Variants in EVC2 observed in about 807,000 individuals in gnomAD.
EVC2 encodes EvC ciliary complex subunit 2, also known as limbin.
Under a neutral mutation model 149.3 loss-of-function variants are expected in EVC2, and 148 were observed. That is an observed-to-expected ratio of 0.99 (90% CI 0.87 to 1.14). The LOEUF is 1.14. Ranked by LOEUF, EVC2 falls within the 50% of genes most tolerant of loss-of-function variation. The pLI is 0.00. For synonymous variants in EVC2, 776 were observed against 649.9 expected (o/e 1.19, Z -2.95); for missense variants, 1,854 against 1,627.3 (o/e 1.14, Z -2.40).
chr4:5,643,705 G>A (rs927565899), intron 9 of EVC2, among the ~76,000 whole-genome samples: 2 of 152,152 alleles, frequency 1.3e-5, no homozygotes, highest in African/African-American at 4.8e-5. Flanking sequence ...TGGATCACTT[G>A]AGGCCAGGAG....
intron 1 of EVC2, among the ~76,000 whole-genome samples, chr4:5,698,275 TG>T (rs1721613918): frequency 6.6e-6 from 1 of 152,148 alleles, no homozygotes; most frequent in Admixed American, 6.5e-5. Context: ...ATCAACTCTG[TG>T]GACCCTGGGT....
chr4:5,661,857 T>C (rs909661841), intron 9 of EVC2, among the ~76,000 whole-genome samples: 1 of 152,206 alleles, frequency 6.6e-6, no homozygotes, highest in Non-Finnish European at 1.5e-5. Context: ...TTAACCTCTC[T>C]CCAGTTCTCA....
chr4:5,694,644 G>T (rs1721349277), intron 2 of EVC2, 143 bp from the exon 3 acceptor site: 2 of 878,002 alleles, frequency 2.3e-6, no homozygotes, highest in Non-Finnish European at 3.7e-6. Context: ...AGGAATGAAT[G>T]ATATCATCTC....
intron 9 of EVC2, among the ~76,000 whole-genome samples, chr4:5,655,001 T>C (rs1315707193): frequency 6.6e-6 from 1 of 152,126 alleles, no homozygotes; most frequent in Admixed American, 6.5e-5. Flanking sequence ...CCAGCCTACA[T>C]CGTGCCTAGC....
At chr4:5,653,068 C>A (rs1718258020) in intron 9 of EVC2, among the ~76,000 whole-genome samples, 1 of 152,194 alleles carries the variant, frequency 6.6e-6, no homozygotes, top group Middle Eastern at 3.2e-3. Context: ...CCTTAGCTTG[C>A]AGCTGCATCA....
the EVC2 span, among the ~76,000 whole-genome samples, chr4:5,534,356 T>C: frequency 6.6e-6 from 1 of 151,810 alleles, no homozygotes. Context: ...GTTCAGCGAG[T>C]GAGTGGATGG....
intron 6 of EVC2, among the ~76,000 whole-genome samples, chr4:5,682,120 T>A (rs1000314780): frequency 5.3e-5 from 8 of 152,170 alleles, no homozygotes; most frequent in African/African-American, 1.9e-4. Flanking sequence ...TGCCTGGCAC[T>A]AGGGAATGCT....
chr4:5,562,528 GTCACCACA>G lies in EVC2; in HGVS notation c.*312_*319del. 8.1e-7 allele frequency: 1 copy of G among 1,230,594 alleles called. No homozygotes were observed. The highest frequency in any genetic ancestry group is 1.0e-6 in the Non-Finnish European group (1 of 980,226). 76.2% of individuals were successfully genotyped at this position (1,230,594 alleles called of 1,614,324 possible). A position where few individuals can be genotyped will look rare whatever the true frequency, so the allele number is the denominator to read the frequency against. The stretch of plus-strand genomic sequence containing the variant: ...AAACATAAGAGTAGAGAATCTGGCT[GTCACCACA>G]CAGACCATAGCTTCTGCAGCAGAGG... On this transcript the variant is annotated 3_prime_UTR_variant, in exon 22 of 22. Transcript: ENST00000344408. This position sits in a 1 kb window ranked among gnomAD's most constrained non-coding sequence, Gnocchi z 4.3.
intron 6 of EVC2, among the ~76,000 whole-genome samples, chr4:5,684,214 T>C (rs1055319165): frequency 6.6e-6 from 1 of 152,226 alleles, no homozygotes; most frequent in East Asian, 1.9e-4. Context: ...CCTGAGAGAA[T>C]TGTCCTTCCC....
At chr4:5,624,535 A>C (rs984164310) in intron 13 of EVC2, among the ~76,000 whole-genome samples, 1 of 152,236 alleles carries the variant, frequency 6.6e-6, no homozygotes, top group African/African-American at 2.4e-5. Context: ...CCTACATCCT[A>C]ATTCTGGGCC....
rs1346743753 is a variant in EVC2, at chr4:5,546,130, T to A, written c.3420-2918A>T. Among the ~76,000 whole-genome samples the A allele has an allele frequency of 2.6e-5, 4 of 152,162 alleles. No homozygotes were observed. In the East Asian group the frequency reaches 7.7e-4, roughly 29 times the overall value. ...CACTGTTGGTGGGACTGTAAACTAG[T>A]TCAACCATTGTGGAAGTGAGTGTGG... On this transcript the variant is annotated intron_variant and NMD_transcript_variant, in intron 21 of 22. Coordinates refer to the EVC2 transcript ENST00000475313.
intron 21 of EVC2, 92 bp downstream of exon 21, chr4:5,565,166 C>G: frequency 1.6e-6 from 2 of 1,213,214 alleles, no homozygotes; most frequent in South Asian, 2.4e-5. Context: ...GCAGCAACCT[C>G]CTTTCCTTGT....
chr4:5,680,907 G>A (rs1475646949), intron 7 of EVC2, among the ~76,000 whole-genome samples: 1 of 152,190 alleles, frequency 6.6e-6, no homozygotes, highest in Non-Finnish European at 1.5e-5. Flanking sequence ...CCCACAGACT[G>A]CAGGCTTTGG....
chr4:5,679,277 C>G lies in EVC2; in HGVS notation c.870+1983G>C, dbSNP rs1720188787. Among the ~76,000 whole-genome samples, 1 of 152,100 alleles carries G rather than the reference C, an allele frequency of 6.6e-6. No individual in the cohort carries two copies. Among genetic ancestry groups the G allele is most frequent in the Non-Finnish European group, 1.5e-5 (1 of 68,022 alleles). ...TTGAGACAGAGTCTCACTCTGTTAA[C>G]CAGGCTGGAGTGCAGTGGCATGATC... On this transcript the variant is annotated intron_variant, in intron 7 of 21. Transcript: ENST00000344408. The surrounding 1 kb of genome is among the most constrained non-coding windows in gnomAD (Gnocchi z 5.1).
chr4:5,706,024 G>A (rs1722108223), intron 1 of EVC2, among the ~76,000 whole-genome samples: 1 of 152,078 alleles, frequency 6.6e-6, no homozygotes, highest in African/African-American at 2.4e-5. Flanking sequence ...GCATCAGGGG[G>A]CCAGAGACTT....
intron 21 of EVC2, among the ~76,000 whole-genome samples, chr4:5,543,520 A>G (rs1721557134): frequency 2.6e-5 from 4 of 152,202 alleles, no homozygotes; most frequent in Admixed American, 2.6e-4. Context: ...TATACCACAA[A>G]TAACAAAATT....
At chr4:5,568,005 C>T (rs1049475565) in intron 20 of EVC2, among the ~76,000 whole-genome samples, 3 of 152,168 alleles carry the variant, frequency 2.0e-5, no homozygotes, top group Non-Finnish European at 2.9e-5. Flanking sequence ...GTATCCACAG[C>T]GTGCTCACTC....
chr4:5,663,612 C>A (rs1719051358), intron 8 of EVC2, among the ~76,000 whole-genome samples: 1 of 152,162 alleles, frequency 6.6e-6, no homozygotes, highest in Non-Finnish European at 1.5e-5. Context: ...AGAGATCTGG[C>A]TAGTTTCTAA....
chr4:5,568,730 T>C, intron 19 of EVC2, 90 bp from the exon 20 acceptor site: 3 of 1,355,390 alleles, frequency 2.2e-6, no homozygotes, highest in Non-Finnish European at 3.1e-6. Flanking sequence ...GGACATTCTG[T>C]CCTGGAGTGA....
Sources: allele counts gnomAD v4.1 joint callset (sites outside exome capture counted in the v4.1 genomes callset), GRCh38; gene constraint gnomAD v4.1.1; non-coding constraint Gnocchi (gnomAD v3.1); transcripts MANE v1.5; gene names NCBI Gene and HGNC (gene_info 2026-07-23, HGNC 2026-07-21).